INO80: variants seen among roughly 807,000 people sequenced by gnomAD.
The protein encoded by INO80 is chromatin-remodeling ATPase INO80.
In INO80, 20 loss-of-function variants were observed where a neutral mutation model predicts 203.4. The ratio of observed to expected loss-of-function variants is 0.10; its 90% CI spans 0.07 to 0.14. INO80 has a LOEUF of 0.14. Among genes scored for constraint, INO80 ranks in the 10% least tolerant of loss-of-function variants. INO80 has a pLI of 1.00. For synonymous variants in INO80, 726 were observed against 685.2 expected, an observed-to-expected ratio of 1.06 and a Z score of -0.93; for missense variants, 1,419 against 1,914.4, an observed-to-expected ratio of 0.74 and a Z score of 4.83.
intron 19 of INO80, among the ~76,000 whole-genome samples, chr15:41,052,830 T>G (rs949881472): frequency 8.1e-6 from 1 of 124,180 alleles, no homozygotes; most frequent in Non-Finnish European, 1.6e-5. Context: ...GAGACCAGCA[T>G]GGGGAACATG....
At chr15:41,017,401 CA>C in intron 26 of INO80, 1 of 152,048 alleles carries the variant, frequency 6.6e-6, no homozygotes, top group Non-Finnish European at 1.5e-5. Flanking sequence ...CCATAGGACA[CA>C]AAAAGGGAGA....
At chr15:41,085,772 T>C (rs2045553814) in intron 6 of INO80, among the ~76,000 whole-genome samples, 189 bp from the exon 7 acceptor site, 1 of 152,206 alleles carries the variant, frequency 6.6e-6, no homozygotes, top group Non-Finnish European at 1.5e-5. Flanking sequence ...AACATACTGA[T>C]TGATACCTCA....
intron 27 of INO80, among the ~76,000 whole-genome samples, chr15:41,008,224 T>TACACACACACACACACACAC (rs71104765): frequency 3.2e-4 from 48 of 148,932 alleles, no homozygotes; most frequent in African/African-American, 1.1e-3. Flanking sequence ...TATATATACA[T>TACACACACACACACACACAC]ACACACACAC....
chr15:41,100,567 T>C (rs2045792620), intron 1 of INO80, among the ~76,000 whole-genome samples: 1 of 152,164 alleles, frequency 6.6e-6, no homozygotes, highest in Admixed American at 6.6e-5. Context: ...ATATCACCAC[T>C]GATGGCTGAA....
chr15:41,015,506 A>T (rs923815957), intron 27 of INO80, among the ~76,000 whole-genome samples: 18 of 152,202 alleles, frequency 1.2e-4, no homozygotes, highest in African/African-American at 4.1e-4. Context: ...CTTTAAAATT[A>T]AGAAATGTCT....
intron 4 of INO80, among the ~76,000 whole-genome samples, chr15:41,093,805 A>G (rs927294944): frequency 1.6e-4 from 25 of 152,162 alleles, no homozygotes; most frequent in African/African-American, 5.8e-4. Context: ...AGATTGTGCC[A>G]CCGCACTCCA....
intron 24 of INO80, among the ~76,000 whole-genome samples, chr15:41,044,656 C>T (rs1337135074): frequency 2.0e-5 from 3 of 151,630 alleles, no homozygotes; most frequent in African/African-American, 7.3e-5. Context: ...TATAAATTCA[C>T]AGAGCTGTAC....
intron 14 of INO80, among the ~76,000 whole-genome samples, chr15:41,063,735 C>T (rs138667459): frequency 7.2e-5 from 11 of 152,224 alleles, no homozygotes; most frequent in African/African-American, 2.6e-4. Context: ...TGCGCCACTG[C>T]ACTCCAGCCT....
chr15:41,090,282 CA>C (rs1271728550), intron 5 of INO80, among the ~76,000 whole-genome samples: 1 of 152,028 alleles, frequency 6.6e-6, no homozygotes, highest in Non-Finnish European at 1.5e-5. Context: ...TTTATAGAAA[CA>C]GAGCAGATTG....
rs1266310330 is a variant in INO80 at position 41,116,275 on chromosome 15, C to G, written c.-346G>C. 1 of 398,502 alleles carries G rather than the reference C, an allele frequency of 2.5e-6. No individual in the cohort carries two copies. Among genetic ancestry groups the G allele is most frequent in the Non-Finnish European group, 4.4e-6 (1 of 226,734 alleles). The allele number at this position is 398,502 out of a possible 1,614,324, so 24.7% of individuals were successfully genotyped here. A position where few individuals can be genotyped will look rare whatever the true frequency, so the allele number is the denominator to read the frequency against. On this transcript the variant is annotated 5_prime_UTR_variant, in exon 1 of 36. Transcript: ENST00000648947. Reference sequence around the variant, plus strand: ...GAGCCATGGCGGGGGGGAGGAGAGGCGCCATAGCCAGGCCAGAACAATCGA... The same window carrying G: ...GAGCCATGGCGGGGGGGAGGAGAGGGGCCATAGCCAGGCCAGAACAATCGA...
chr15:41,003,425 A>T (rs1473204645), intron 28 of INO80, among the ~76,000 whole-genome samples: 1 of 141,216 alleles, frequency 7.1e-6, no homozygotes, highest in Non-Finnish European at 1.5e-5. Context: ...CAACTCCCGA[A>T]TTCAAGTGAT....
At chr15:41,010,025 T>A (rs1051694448) in intron 27 of INO80, among the ~76,000 whole-genome samples, 1 of 152,226 alleles carries the variant, frequency 6.6e-6, no homozygotes, top group African/African-American at 2.4e-5. Context: ...CATCTCCGCT[T>A]AATATCTACT....
chr15:41,022,102 G>A (rs1407110420), intron 25 of INO80, among the ~76,000 whole-genome samples: 1 of 152,218 alleles, frequency 6.6e-6, no homozygotes, highest in African/African-American at 2.4e-5. Context: ...CCTACATGAT[G>A]CACTAAGGAA....
rs376339162 is a variant in INO80 at position 41,031,993 on chromosome 15, C to G, written c.2908-4257G>C. ...CACAGCACAGCACAGCACAGCACAG[C>G]ACAGGACAGCACAGCACAGCACAGC... On this transcript the variant is annotated intron_variant, in intron 24 of 35. Transcript: ENST00000648947. Among the ~76,000 whole-genome samples, 54 of 78,452 alleles carry G rather than the reference C, an allele frequency of 6.9e-4. 1 individual carries two copies. The highest frequency in any genetic ancestry group is 2.5e-3 in the South Asian group (5 of 1,986). 51.5% of individuals were successfully genotyped at this position (78,452 alleles called of 152,430 possible).
At chr15:40,986,647 T>TG (rs1307770166) in intron 31 of INO80, among the ~76,000 whole-genome samples, 1 of 151,808 alleles carries the variant, frequency 6.6e-6, no homozygotes, top group South Asian at 2.1e-4. Context: ...TTTTAAAAGA[T>TG]GGAGTTTCAC....
chr15:41,002,243 T>C (rs1184971381), intron 28 of INO80, among the ~76,000 whole-genome samples: 1 of 152,194 alleles, frequency 6.6e-6, no homozygotes, highest in African/African-American at 2.4e-5. Flanking sequence ...CAAGCAAGAT[T>C]TCCTAATAAA....
At chr15:41,024,025 G>A (rs192205807) in intron 25 of INO80, among the ~76,000 whole-genome samples, 3 of 152,108 alleles carry the variant, frequency 2.0e-5, no homozygotes, top group Admixed American at 2.0e-4. Context: ...TGGTTTTTCT[G>A]CCTGGGATTC....
intron 28 of INO80, among the ~76,000 whole-genome samples, chr15:41,003,287 C>CAAAATGTT (rs1333016164): frequency 6.7e-6 from 1 of 148,776 alleles, no homozygotes; most frequent in Non-Finnish European, 1.5e-5. Context: ...GAGGATATAC[C>CAAAATGTT]AAAATGTTAA....
At chr15:41,044,211 A>T (rs1266345491) in intron 24 of INO80, among the ~76,000 whole-genome samples, 1 of 152,248 alleles carries the variant, frequency 6.6e-6, no homozygotes, top group African/African-American at 2.4e-5. Context: ...TAAACACCAA[A>T]GAAAGGAGTG....
Sources: gnomAD v4.1 joint callset for allele counts (sites outside exome capture counted in the v4.1 genomes callset) on GRCh38, gnomAD v4.1.1 for gene constraint, MANE v1.5 for transcripts, NCBI Gene and HGNC (gene_info 2026-07-23, HGNC 2026-07-21) for gene names.